Variants in OR2C3 observed in about 807,000 individuals in gnomAD.
The protein encoded by OR2C3 is olfactory receptor 2C3.
For synonymous variants in OR2C3, 178 were observed against 163.4 expected, an observed-to-expected ratio of 1.09 and a Z score of -0.68; for missense variants, 425 against 401.5, an observed-to-expected ratio of 1.06 and a Z score of -0.50.
In OR2C3 at chr1:247,531,664, G is replaced by A. The variant is rs372016969; in HGVS notation, c.848C>T (p.Thr283Ile). ...KFIALFYTVV[T>I]PALNPLIYTL... is the part of the protein sequence containing the mutation. ...GTAAATAAGTGGGTTCAGCGCAGGAGTGACTACGGTGTAGAACAGAGCTAT... is the reference window on the plus strand; with the variant it reads ...GTAAATAAGTGGGTTCAGCGCAGGAATGACTACGGTGTAGAACAGAGCTAT... Residue 283 changes from threonine (T) to isoleucine (I), a missense_variant, in exon 3 of 3, where the codon ACT becomes ATT. Coordinates refer to ENST00000641802, the MANE Select transcript of OR2C3 (RefSeq NM_198074.6). The A allele has an allele frequency of 6.2e-7, 1 of 1,614,200 alleles. No individual in the cohort carries two copies. Among genetic ancestry groups the A allele is most frequent in the South Asian group, 1.1e-5 (1 of 91,086 alleles).
chr1:247,533,255 G>C (rs573906562), intron 2 of OR2C3, among the ~76,000 whole-genome samples: 25 of 151,886 alleles, frequency 1.6e-4, no homozygotes, highest in Admixed American at 4.6e-4. Context: ...AAAAGTGTTG[G>C]GGCTCAGAAA....
Position 247,532,205 on chromosome 1 carries a change from AGAACTG to A in OR2C3, c.301_306del (p.Gln101_Phe102del). On this transcript the variant is annotated inframe_deletion, in exon 3 of 3. Transcript: ENST00000641802. ...GTTGCCCCCAGCCAATGGGAGATAT[AGAACTG>A]GACCACACACCCTCCATAGCTTATG... 6.2e-7 allele frequency: 1 copy of A among 1,614,228 alleles called. No individual in the cohort carries two copies.
Position 247,525,759 on chromosome 1 carries a change from A to G in OR2C3, c.*5790T>C, listed in dbSNP as rs1464022033. 2 of 152,154 alleles carry G rather than the reference A, an allele frequency of 1.3e-5. No individual in the cohort carries two copies. The highest frequency in any genetic ancestry group is 2.9e-5 in the Non-Finnish European group (2 of 68,046). 9.4% of individuals were successfully genotyped at this position (152,154 alleles called of 1,614,324 possible). ...TTAACATTCATCCCTTCTTCCCTCCATGGAGGTTGGGGGCTGGGTCTGACT... is the reference window on the plus strand; with the variant it reads ...TTAACATTCATCCCTTCTTCCCTCCGTGGAGGTTGGGGGCTGGGTCTGACT... On this transcript the variant is annotated 3_prime_UTR_variant, in exon 3 of 3. Coordinates refer to ENST00000641802, the MANE Select transcript of OR2C3 (RefSeq NM_198074.6).
chr1:247,531,822 C>T lies in OR2C3; in HGVS notation c.690G>A (p.Arg230=). The T allele has an allele frequency of 6.2e-7, 1 of 1,614,222 alleles. No individual in the cohort carries two copies. Among genetic ancestry groups the T allele is most frequent in the Non-Finnish European group, 8.5e-7 (1 of 1,180,038 alleles). ...ATGCCTTTCTCCGCCCTTCTGCTGA[C>T]CTGATCTTCAACACGGCCCGGGCAA... The part of the protein sequence containing the change: ...GHIARAVLKI[R]SAEGRRKAFN... Residue 230 remains arginine (R), a synonymous_variant, in exon 3 of 3, where the codon AGG becomes AGA. Transcript: ENST00000641802.
chr1:247,530,787 G>A lies in OR2C3; in HGVS notation c.*762C>T, dbSNP rs1247794702. The A allele has an allele frequency of 2.1e-4, 3 of 14,050 alleles. No individual in the cohort carries two copies. The highest frequency in any genetic ancestry group is 3.7e-4 in the Non-Finnish European group (2 of 5,360). 0.9% of individuals were successfully genotyped at this position (14,050 alleles called of 1,614,324 possible). A position where few individuals can be genotyped will look rare whatever the true frequency, so the allele number is the denominator to read the frequency against. ...CCAACTGCGACAGAGCGGTCGCCCAGGACGTGGACCTGCCGGCCGCCTCTG... is the reference window on the plus strand; with the variant it reads ...CCAACTGCGACAGAGCGGTCGCCCAAGACGTGGACCTGCCGGCCGCCTCTG... On this transcript the variant is annotated 3_prime_UTR_variant, in exon 3 of 3. Transcript: ENST00000641802.
At position 247,531,209 on chromosome 1, in the gene OR2C3, T is replaced by G; in HGVS notation, c.*340A>C. 3.7e-6 allele frequency: 1 copy of G among 269,412 alleles called. No homozygotes were observed. Among genetic ancestry groups the G allele is most frequent in the Non-Finnish European group, 7.1e-6 (1 of 140,704 alleles). The allele number at this position is 269,412 out of a possible 1,614,324, so 16.7% of individuals were successfully genotyped here. On this transcript the variant is annotated 3_prime_UTR_variant, in exon 3 of 3. Transcript: ENST00000641802. ...CCGGTCTCCCCGCGCGCTCTCAGCG[T>G]CGTCAAAGTTTATTATCCACGGAGC...
rs1666967942 is a variant in OR2C3 at position 247,531,696 on chromosome 1, G to T, written c.816C>A (p.Gly272=). The T allele has an allele frequency of 1.9e-6, 3 of 1,614,160 alleles. No individual in the cohort carries two copies. Among genetic ancestry groups the T allele is most frequent in the African/African-American group, 1.3e-5 (1 of 75,032 alleles). ...QPAKSTSHEQ[G]KFIALFYTVV... is the part of the protein sequence containing the mutation. ...CGGTGTAGAACAGAGCTATGAACTT[G>T]CCCTGCTCATGGGAGGTGCTCTTGG... The change falls in exon 3 of 3, where the codon GGC becomes GGA. Residue 272 remains glycine (G), a synonymous_variant. Transcript: ENST00000641802.
rs757464425 is a variant in OR2C3, at chr1:247,531,693, C to A, written c.819G>T (p.Lys273Asn). The change falls in exon 3 of 3, where the codon AAG becomes AAT. Residue 273 changes from lysine (K) to asparagine (N), a missense_variant. Coordinates refer to ENST00000641802, the MANE Select transcript of OR2C3 (RefSeq NM_198074.6). ...CTACGGTGTAGAACAGAGCTATGAACTTGCCCTGCTCATGGGAGGTGCTCT... is the reference window on the plus strand; with the variant it reads ...CTACGGTGTAGAACAGAGCTATGAAATTGCCCTGCTCATGGGAGGTGCTCT... ...PAKSTSHEQG[K>N]FIALFYTVVT... 19 of 1,614,072 alleles carry A rather than the reference C, an allele frequency of 1.2e-5. No individual in the cohort carries two copies. The highest frequency in any genetic ancestry group is 1.6e-4 in the Middle Eastern group (1 of 6,084).
Position 247,531,552 on chromosome 1 carries a change from A to C in OR2C3, c.960T>G (p.Ile320Met). Residue 320 changes from isoleucine (I) to methionine (M), a missense_variant, in exon 3 of 3, where the codon ATT (isoleucine) becomes ATG (methionine). Transcript: ENST00000641802. The part of the protein sequence containing the change: ...CCGSAGKLAQ[I>M] ...TTCTCAGAAGGCACTGGAGTCTCTA[A>C]ATTTGCGCCAGCTTGCCTGCAGAGC... 1 of 1,612,968 alleles carries C rather than the reference A, an allele frequency of 6.2e-7. No individual in the cohort carries two copies. The highest frequency in any genetic ancestry group is 1.7e-4 in the Middle Eastern group (1 of 5,930).
chr1:247,531,648 TG>T lies in OR2C3; in HGVS notation c.863del (p.Pro288HisfsTer6). On this transcript the variant is annotated frameshift_variant, in exon 3 of 3. Coordinates refer to ENST00000641802, the MANE Select transcript of OR2C3 (RefSeq NM_198074.6). LOFTEE classifies it low-confidence loss of function (END_TRUNC). ...CCGTGTTCCTCAGGGTGTAAATAAG[TG>T]GGTTCAGCGCAGGAGTGACTACGGT... is the stretch of plus-strand genomic sequence containing the variant. ...FYTVVTPALNPLIYTLRNTEV... is the reference protein window; with the variant it reads ...FYTVVTPALNXLIYTLRNTEV... 7 of 1,614,126 alleles carry T rather than the reference TG, an allele frequency of 4.3e-6. No homozygotes were observed. The highest frequency in any genetic ancestry group is 5.1e-6 in the Non-Finnish European group (6 of 1,180,028).
At position 247,530,257 on chromosome 1, in the gene OR2C3, A is replaced by G. The variant is rs1666865398; in HGVS notation, c.*1292T>C. On this transcript the variant is annotated 3_prime_UTR_variant, in exon 3 of 3. Transcript: ENST00000641802. ...CCTTTGAATCATCAGGCAGAGAATG[A>G]GGTTACTCTATTGATAGAGGTGAAC... 1 of 152,178 alleles carries G rather than the reference A, an allele frequency of 6.6e-6. No individual in the cohort carries two copies. The highest frequency in any genetic ancestry group is 6.5e-5 in the Admixed American group (1 of 15,288). 9.4% of individuals were successfully genotyped at this position (152,178 alleles called of 1,614,324 possible).
At position 247,531,615 on chromosome 1, in the gene OR2C3, C is replaced by T. The variant is rs538305862; in HGVS notation, c.897G>A (p.Lys299=). Residue 299 remains lysine (K), a synonymous_variant, in exon 3 of 3, where the codon AAG becomes AAA. Coordinates refer to ENST00000641802, the MANE Select transcript of OR2C3 (RefSeq NM_198074.6). ...CTAATACCATGTGCCGGAGGGCGCT[C>T]TTCACCTCCGTGTTCCTCAGGGTGT... ...LIYTLRNTEV[K]SALRHMVLEN... The T allele has an allele frequency of 5.3e-5, 86 of 1,614,160 alleles. 2 individuals carry two copies. In the South Asian group the frequency reaches 8.5e-4, roughly 16 times the overall value.
At chr1:247,535,291 G>C (rs1022059481) in intron 1 of OR2C3, among the ~76,000 whole-genome samples, 3 of 152,036 alleles carry the variant, frequency 2.0e-5, no homozygotes, top group African/African-American at 7.2e-5. Flanking sequence ...CTCCAGCCTG[G>C]GCAACAGAGC....
In OR2C3 at chr1:247,531,277, C is replaced by G. The variant is rs1666940649; in HGVS notation, c.*272G>C. The G allele has an allele frequency of 2.2e-6, 1 of 445,060 alleles. No individual in the cohort carries two copies. The highest frequency in any genetic ancestry group is 2.0e-5 in the African/African-American group (1 of 50,530). 27.6% of individuals were successfully genotyped at this position (445,060 alleles called of 1,614,324 possible). A position where few individuals can be genotyped will look rare whatever the true frequency, so the allele number is the denominator to read the frequency against. On this transcript the variant is annotated 3_prime_UTR_variant, in exon 3 of 3. Transcript: ENST00000641802. ...CTTCGGATACTGAGGAACAGCTGAA[C>G]AACAACGCAAGGAGTTTACAAAACA... is the stretch of plus-strand genomic sequence containing the variant.
Position 247,530,524 on chromosome 1 carries a change from C to CCCCA in OR2C3, c.*1024_*1025insTGGG, listed in dbSNP as rs1553302968. On this transcript the variant is annotated 3_prime_UTR_variant, in exon 3 of 3. Coordinates refer to ENST00000641802, the MANE Select transcript of OR2C3 (RefSeq NM_198074.6). ...TCCACAAACACCATGCCATCCCCCC[C>CCCCA]CCACAAAATAACATTTCCTATGAAT... The CCCCA allele has an allele frequency of 3.5e-5, 5 of 141,652 alleles. No individual in the cohort carries two copies. The highest frequency in any genetic ancestry group is 7.9e-5 in the Non-Finnish European group (5 of 62,918). 8.8% of individuals were successfully genotyped at this position (141,652 alleles called of 1,614,324 possible). A position where few individuals can be genotyped will look rare whatever the true frequency, so the allele number is the denominator to read the frequency against.
At position 247,528,919 on chromosome 1, in the gene OR2C3, T is replaced by C. The variant is rs1042048365; in HGVS notation, c.*2630A>G. ...CCACTGCAGAGATGGATCTTGGTGG[T>C]ATGGTAGATAAGATGACTCATCTAG... On this transcript the variant is annotated 3_prime_UTR_variant, in exon 3 of 3. Transcript: ENST00000641802. The C allele has an allele frequency of 2.0e-5, 3 of 152,026 alleles. No homozygotes were observed. Among genetic ancestry groups the C allele is most frequent in the Non-Finnish European group, 2.9e-5 (2 of 67,984 alleles). The allele number at this position is 152,026 out of a possible 1,614,324, so 9.4% of individuals were successfully genotyped here. A position where few individuals can be genotyped will look rare whatever the true frequency, so the allele number is the denominator to read the frequency against.
rs1666828960 is a variant in OR2C3 at position 247,529,661 on chromosome 1, T to C, written c.*1888A>G. Reference sequence around the variant, plus strand: ...TGGTTCATTTTACATATCAACTTGGTTGGACTATGGTGCCCAGTTTTTGTT... The same window carrying C: ...TGGTTCATTTTACATATCAACTTGGCTGGACTATGGTGCCCAGTTTTTGTT... On this transcript the variant is annotated 3_prime_UTR_variant, in exon 3 of 3. Coordinates refer to ENST00000641802, the MANE Select transcript of OR2C3 (RefSeq NM_198074.6). 6.6e-6 allele frequency: 1 copy of C among 151,460 alleles called. No individual in the cohort carries two copies. The highest frequency in any genetic ancestry group is 2.4e-5 in the African/African-American group (1 of 41,292). 9.4% of individuals were successfully genotyped at this position (151,460 alleles called of 1,614,324 possible).
In OR2C3 at chr1:247,528,049, G is replaced by C. The variant is rs955145592; in HGVS notation, c.*3500C>G. 1 of 151,910 alleles carries C rather than the reference G, an allele frequency of 6.6e-6. No individual in the cohort carries two copies. Among genetic ancestry groups the C allele is most frequent in the Non-Finnish European group, 1.5e-5 (1 of 67,970 alleles). 9.4% of individuals were successfully genotyped at this position (151,910 alleles called of 1,614,324 possible). On this transcript the variant is annotated 3_prime_UTR_variant, in exon 3 of 3. Coordinates refer to ENST00000641802, the MANE Select transcript of OR2C3 (RefSeq NM_198074.6). ...TTAAAAGTTATGATTTCCCCCATTT[G>C]TTTCTGTTTCTTCGGTCTTTGGGTT...
Position 247,527,245 on chromosome 1 carries a change from C to A in OR2C3, c.*4304G>T. 2.7e-6 allele frequency: 1 copy of A among 375,462 alleles called. No individual in the cohort carries two copies. 23.3% of individuals were successfully genotyped at this position (375,462 alleles called of 1,614,324 possible). ...AACAGGGGCTGATGGATGGTCAGGG[C>A]AAAGCACAGTGCTGTCCTCATGGTT... On this transcript the variant is annotated 3_prime_UTR_variant, in exon 3 of 3. Coordinates refer to ENST00000641802, the MANE Select transcript of OR2C3 (RefSeq NM_198074.6). This position sits in a 1 kb window ranked among gnomAD's most constrained non-coding sequence, Gnocchi z 4.6.
Sources: allele counts gnomAD v4.1 joint callset (sites outside exome capture counted in the v4.1 genomes callset), GRCh38; gene constraint gnomAD v4.1.1; non-coding constraint Gnocchi (gnomAD v3.1); transcripts MANE v1.5; gene names NCBI Gene and HGNC (gene_info 2026-07-23, HGNC 2026-07-21).